The following CHSY3 variants were observed in gnomAD, a reference collection of about 807,000 sequenced individuals.
The protein encoded by CHSY3 is N-acetylgalactosaminyl-proteoglycan 3-beta-glucuronosyltransferase 3.
CHSY3 carries 35 observed loss-of-function variants against 67.2 expected under a neutral mutation model. That is an observed-to-expected ratio of 0.52 (90% CI 0.40 to 0.69). The LOEUF (loss-of-function observed/expected upper bound fraction) is 0.69, where lower values mean the gene tolerates loss of function less well. Among genes scored for constraint, CHSY3 ranks in the 30% least tolerant of loss-of-function variants. The pLI is 0.00. For synonymous variants in CHSY3, 474 were observed against 434.7 expected, an observed-to-expected ratio of 1.09 and a Z score of -1.12; for missense variants, 1,069 against 1,138.5, an observed-to-expected ratio of 0.94 and a Z score of 0.88.
chr5:130,171,861 T>C (rs1039298825), intron 2 of CHSY3, among the ~76,000 whole-genome samples: 1 of 152,214 alleles, frequency 6.6e-6, no homozygotes, highest in African/African-American at 2.4e-5. Flanking sequence ...ACTTCACTTA[T>C]CAGGTTGTTT....
chr5:129,966,028 G>C (rs928086112), intron 2 of CHSY3, among the ~76,000 whole-genome samples: 1 of 151,870 alleles, frequency 6.6e-6, no homozygotes, highest in African/African-American at 2.4e-5. Flanking sequence ...AAGATGTAAA[G>C]CTCCATCCTA....
intron 2 of CHSY3, among the ~76,000 whole-genome samples, chr5:130,094,944 T>A (rs1172130412): frequency 6.6e-6 from 1 of 152,162 alleles, no homozygotes; most frequent in Non-Finnish European, 1.5e-5. Context: ...ATATCATAGA[T>A]AATGGGAGCT....
At chr5:129,943,071 G>A (rs1280170944) in intron 2 of CHSY3, among the ~76,000 whole-genome samples, 1 of 152,064 alleles carries the variant, frequency 6.6e-6, no homozygotes, top group Non-Finnish European at 1.5e-5. Context: ...TCGTTTTTAT[G>A]ATGCCATTAT....
At chr5:130,050,552 A>G (rs760453398) in intron 2 of CHSY3, among the ~76,000 whole-genome samples, 1 of 152,120 alleles carries the variant, frequency 6.6e-6, no homozygotes, top group Non-Finnish European at 1.5e-5. Context: ...TGTATATAGA[A>G]TTTACTCTCT....
intron 2 of CHSY3, among the ~76,000 whole-genome samples, chr5:130,026,951 A>G (rs1764561454): frequency 1.3e-5 from 2 of 152,158 alleles, no homozygotes; most frequent in South Asian, 4.1e-4. Context: ...CTAATTTAAA[A>G]TAGTGGGGAG....
intron 2 of CHSY3, among the ~76,000 whole-genome samples, chr5:130,116,863 CT>C (rs10610925): frequency 0.14 from 21,485 of 148,734 alleles, 1,615 homozygotes; most frequent in East Asian, 0.28. Flanking sequence ...CTAGCTTTGT[CT>C]TTTTTTTTTT....
At chr5:130,162,571 G>T (rs1415902199) in intron 2 of CHSY3, among the ~76,000 whole-genome samples, 1 of 152,042 alleles carries the variant, frequency 6.6e-6, no homozygotes, top group East Asian at 1.9e-4. Context: ...GTCTTGTTCT[G>T]TCACCCAGGA....
chr5:130,121,833 G>A (rs939172057), intron 2 of CHSY3, among the ~76,000 whole-genome samples: 3 of 152,072 alleles, frequency 2.0e-5, no homozygotes, highest in African/African-American at 7.2e-5. Flanking sequence ...GGAAAGTGAG[G>A]CTGCTAAGGA....
intron 2 of CHSY3, among the ~76,000 whole-genome samples, chr5:130,150,514 T>C (rs182043035): frequency 5.3e-4 from 81 of 152,210 alleles, no homozygotes; most frequent in Non-Finnish European, 9.6e-4. Context: ...TATTGATAAG[T>C]AGAGGTGTGT....
At chr5:129,960,520 T>C (rs1272734913) in intron 2 of CHSY3, among the ~76,000 whole-genome samples, 1 of 152,034 alleles carries the variant, frequency 6.6e-6, no homozygotes, top group Non-Finnish European at 1.5e-5. Context: ...GTCATCATGC[T>C]ACATTTTGGT....
intron 2 of CHSY3, among the ~76,000 whole-genome samples, chr5:130,167,939 G>A (rs1312538833): frequency 1.3e-5 from 2 of 151,976 alleles, no homozygotes; most frequent in Admixed American, 1.3e-4. Context: ...TATCAGACTG[G>A]GAATGGAAGA....
At chr5:130,013,529 C>G (rs1014254081) in intron 2 of CHSY3, among the ~76,000 whole-genome samples, 2 of 152,194 alleles carry the variant, frequency 1.3e-5, no homozygotes, top group Non-Finnish European at 2.9e-5. Context: ...TCTTTGTACC[C>G]TCAGACCCAA....
intron 2 of CHSY3, among the ~76,000 whole-genome samples, chr5:130,071,855 C>T (rs2149682076): frequency 6.6e-6 from 1 of 152,092 alleles, no homozygotes; most frequent in South Asian, 2.1e-4. Flanking sequence ...TTCTTACTAA[C>T]ATTGGTTACC....
chr5:130,067,504 A>G (rs1218186478), intron 2 of CHSY3, among the ~76,000 whole-genome samples: 5 of 152,156 alleles, frequency 3.3e-5, no homozygotes. Flanking sequence ...ATTCTAGAGT[A>G]TTTATATAAA....
chr5:129,929,608 T>C (rs973210363), intron 2 of CHSY3, among the ~76,000 whole-genome samples: 15 of 152,124 alleles, frequency 9.9e-5, no homozygotes, highest in Non-Finnish European at 1.9e-4. Flanking sequence ...CAAAAATATA[T>C]ACACATAGTG....
At chr5:129,906,225 G>A (rs1019266360) in intron 1 of CHSY3, among the ~76,000 whole-genome samples, 1 of 151,982 alleles carries the variant, frequency 6.6e-6, no homozygotes, top group Non-Finnish European at 1.5e-5. Flanking sequence ...CACATACTGG[G>A]AGTCCTTGGC....
At chr5:130,174,966 A>C (rs1770001059) in intron 2 of CHSY3, among the ~76,000 whole-genome samples, 1 of 152,150 alleles carries the variant, frequency 6.6e-6, no homozygotes, top group African/African-American at 2.4e-5. Context: ...AGAGACACAC[A>C]TGGAAAAGAT....
chr5:130,107,606 A>G (rs1441477346), intron 2 of CHSY3, among the ~76,000 whole-genome samples: 1 of 151,700 alleles, frequency 6.6e-6, no homozygotes, highest in African/African-American at 2.4e-5. Flanking sequence ...TAGCTTAGAC[A>G]GCCCTAACTT....
intron 2 of CHSY3, among the ~76,000 whole-genome samples, chr5:130,179,361 G>A (rs1269263462): frequency 6.6e-6 from 1 of 151,436 alleles, no homozygotes; most frequent in African/African-American, 2.4e-5. Context: ...CATGTTTTTG[G>A]CTTTTCTTAG....
Sources: allele counts gnomAD v4.1 joint callset (sites outside exome capture counted in the v4.1 genomes callset), GRCh38; gene constraint gnomAD v4.1.1; transcripts MANE v1.5; gene names NCBI Gene and HGNC (gene_info 2026-07-23, HGNC 2026-07-21).